PCDH11X: variants seen among roughly 807,000 people sequenced by gnomAD.
PCDH11X encodes the protein protocadherin-11 X-linked.
A neutral mutation model predicts 53.3 loss-of-function variants in PCDH11X; 18 were observed. That is an observed-to-expected ratio of 0.34 (90% CI 0.23 to 0.50). The LOEUF (loss-of-function observed/expected upper bound fraction) is 0.50. Among genes scored for constraint, PCDH11X ranks in the 20% least tolerant of loss-of-function variants. The pLI is 0.98. For synonymous variants in PCDH11X, 279 were observed against 393.3 expected, an observed-to-expected ratio of 0.71 and a Z score of 3.44; for missense variants, 570 against 1,032.4, an observed-to-expected ratio of 0.55 and a Z score of 6.14.
chrX:92,482,084 C>T (rs1324406058), intron 10 of PCDH11X, among the ~76,000 whole-genome samples: 1 of 102,071 alleles, frequency 9.8e-6, no homozygotes. Flanking sequence ...CCCTCAGTGG[C>T]AGCCGTTCCA....
chrX:91,995,989 C>T (rs766675314), intron 6 of PCDH11X, among the ~76,000 whole-genome samples: 3 of 106,647 alleles, frequency 2.8e-5, no homozygotes, highest in East Asian at 3.0e-4. Context: ...AGCTGGCCCC[C>T]GCCACCACGC....
intron 6 of PCDH11X, among the ~76,000 whole-genome samples, chrX:92,116,729 T>C (rs2064645936): frequency 9.0e-6 from 1 of 110,524 alleles, no homozygotes. Context: ...GGGACTATAG[T>C]CATGTGCCAC....
At chrX:92,237,873 A>G (rs2067199338) in intron 7 of PCDH11X, among the ~76,000 whole-genome samples, 2 of 111,906 alleles carry the variant, frequency 1.8e-5, no homozygotes, top group Admixed American at 1.9e-4. Flanking sequence ...TCAGGGCAGA[A>G]TAACTCAATG....
rs369583808 is a variant in PCDH11X, at chrX:91,889,739, C to T, written c.3033+10466C>T. On this transcript the variant is annotated intron_variant, in intron 6 of 10. Coordinates refer to ENST00000682573, the MANE Select transcript of PCDH11X (RefSeq NM_032968.5). The stretch of plus-strand genomic sequence containing the variant: ...GGAGGCAAAATAGAATTTTTTACTA[C>T]ATATAGGGATATTTTGCTGACCTGA... Among the ~76,000 whole-genome samples the T allele has an allele frequency of 4.3e-4, 47 of 109,591 alleles. 3 individuals carry two copies. Among genetic ancestry groups the T allele is most frequent in the Admixed American group, 3.0e-3 (30 of 10,148 alleles).
chrX:92,331,895 A>G (rs1300004932), intron 8 of PCDH11X, among the ~76,000 whole-genome samples: 2 of 111,698 alleles, frequency 1.8e-5, no homozygotes, highest in Non-Finnish European at 3.8e-5. Flanking sequence ...CTGTTACATC[A>G]TTACAACTAT....
chrX:91,796,291 G>C (rs1258243610), intron 1 of PCDH11X, among the ~76,000 whole-genome samples: 1 of 111,602 alleles, frequency 9.0e-6, no homozygotes, highest in Non-Finnish European at 1.9e-5. Context: ...TTTTCTACCA[G>C]AGCCATGTAT....
In PCDH11X at chrX:92,586,208, G is replaced by T. The variant is rs374616170; in HGVS notation, c.3368-32056G>T. 2.7e-4 allele frequency among the ~76,000 whole-genome samples: 26 copies of T among 96,809 alleles called. No individual in the cohort carries two copies. In the East Asian group the frequency reaches 7.4e-3, roughly 28 times the overall value. The allele number at this position is 96,809 out of a possible 115,157, so 84.1% of individuals were successfully genotyped here. A position where few individuals can be genotyped will look rare whatever the true frequency, so the allele number is the denominator to read the frequency against. On this transcript the variant is annotated intron_variant, in intron 10 of 10. Coordinates refer to ENST00000682573, the MANE Select transcript of PCDH11X (RefSeq NM_032968.5). The stretch of plus-strand genomic sequence containing the variant: ...TTGATATCATGAGCTCTGTATTGCT[G>T]TACAGGCAGCATTTTAAAAAACAAA...
chrX:91,835,730 C>A lies in PCDH11X; in HGVS notation c.226C>A (p.Arg76=), dbSNP rs2147618166. Residue 76 remains arginine, a synonymous_variant, in exon 5 of 11, where the codon CGA becomes AGA. Coordinates refer to ENST00000682573, the MANE Select transcript of PCDH11X (RefSeq NM_032968.5). The stretch of plus-strand genomic sequence containing the variant: ...CAAGACCGGAGATGTGCCACTGATT[C>A]GAATTGAAGAGGATACTGGTGAGAT... The part of the protein sequence containing the change: ...VYKTGDVPLI[R]IEEDTGEIFT... 8.3e-7 allele frequency: 1 copy of A among 1,211,045 alleles called. No individual in the cohort carries two copies. The highest frequency in any genetic ancestry group is 1.1e-6 in the Non-Finnish European group (1 of 895,301).
intron 10 of PCDH11X, among the ~76,000 whole-genome samples, chrX:92,484,832 G>T (rs1374749896): frequency 9.1e-6 from 1 of 110,171 alleles, no homozygotes; most frequent in African/African-American, 3.3e-5. Context: ...CACCACTAAA[G>T]AACTTATTCA....
At chrX:92,353,513 G>T (rs1021524284) in intron 8 of PCDH11X, among the ~76,000 whole-genome samples, 1 of 110,457 alleles carries the variant, frequency 9.1e-6, no homozygotes, top group Non-Finnish European at 1.9e-5. Flanking sequence ...AAGCTCTTTT[G>T]TGTAGGTTCA....
chrX:92,464,683 A>C (rs188859993), intron 9 of PCDH11X, among the ~76,000 whole-genome samples: 1 of 111,102 alleles, frequency 9.0e-6, no homozygotes, highest in Non-Finnish European at 1.9e-5. Context: ...TTTGTAGTTC[A>C]GACTCTATGC....
intron 1 of PCDH11X, among the ~76,000 whole-genome samples, chrX:91,790,988 AACTGT>A (rs1159604211): frequency 1.9e-5 from 2 of 103,838 alleles, no homozygotes; most frequent in African/African-American, 7.0e-5. Context: ...TTCCCGATGA[AACTGT>A]ACTAGTCTTT....
At chrX:92,103,028 G>A (rs189786993) in intron 6 of PCDH11X, among the ~76,000 whole-genome samples, 100 of 110,583 alleles carry the variant, frequency 9.0e-4, no homozygotes, top group African/African-American at 3.0e-3. Flanking sequence ...GTTTTAATGG[G>A]ATGGTAATGG....
At chrX:92,226,956 T>A (rs1233423397) in intron 7 of PCDH11X, among the ~76,000 whole-genome samples, 1 of 111,959 alleles carries the variant, frequency 8.9e-6, no homozygotes, top group African/African-American at 3.2e-5. Context: ...TTAGAAGAAA[T>A]TTTGAAGCAG....
At chrX:92,038,254 T>C (rs1264702788) in intron 6 of PCDH11X, among the ~76,000 whole-genome samples, 2 of 103,423 alleles carry the variant, frequency 1.9e-5, no homozygotes, top group African/African-American at 7.1e-5. Flanking sequence ...GAGGTCTTCA[T>C]GGCAGCCCCT....
chrX:92,538,662 T>C (rs1222510087), intron 10 of PCDH11X, among the ~76,000 whole-genome samples: 2 of 97,722 alleles, frequency 2.0e-5, no homozygotes, highest in Non-Finnish European at 4.1e-5. Context: ...TAATAAACAC[T>C]CTATACTTTA....
At chrX:92,067,861 G>A (rs1422545901) in intron 6 of PCDH11X, among the ~76,000 whole-genome samples, 1 of 111,132 alleles carries the variant, frequency 9.0e-6, no homozygotes, top group African/African-American at 3.3e-5. Context: ...GTCTGTTCAG[G>A]TTTGGGATTT....
At chrX:92,276,318 G>A (rs1480110483) in intron 8 of PCDH11X, among the ~76,000 whole-genome samples, 1 of 107,195 alleles carries the variant, frequency 9.3e-6, no homozygotes, top group Non-Finnish European at 1.9e-5. Flanking sequence ...AGGCGATCGG[G>A]CAGCATCAGT....
At chrX:91,893,506 T>C (rs1315222088) in intron 6 of PCDH11X, among the ~76,000 whole-genome samples, 1 of 109,719 alleles carries the variant, frequency 9.1e-6, no homozygotes, top group African/African-American at 3.3e-5. Flanking sequence ...GTATGCTATA[T>C]GGCGAGAAAA....
Sources: gnomAD v4.1 joint callset for allele counts (sites outside exome capture counted in the v4.1 genomes callset) on GRCh38, gnomAD v4.1.1 for gene constraint, MANE v1.5 for transcripts, NCBI Gene and HGNC (gene_info 2026-07-23, HGNC 2026-07-21) for gene names.